The following PPARGC1A variants were observed in gnomAD, a reference collection of about 807,000 sequenced individuals.
PPARGC1A encodes the protein PPARG coactivator 1 alpha.
A neutral mutation model predicts 88.7 loss-of-function variants in PPARGC1A; 25 were observed. The ratio of observed to expected loss-of-function variants is 0.28; its 90% CI spans 0.21 to 0.39. The LOEUF is 0.39. Ranked by LOEUF, PPARGC1A falls within the 10% of genes least tolerant of loss-of-function variation. The pLI, the probability that PPARGC1A is intolerant of heterozygous loss-of-function variation, is 1.00. For missense variants in PPARGC1A, 880 were observed against 968.7 expected (o/e 0.91, Z 1.22); for synonymous variants, 363 against 355.6 (o/e 1.02, Z -0.24).
At chr4:24,437,388 C>T in the PPARGC1A span, among the ~76,000 whole-genome samples, 5 of 152,150 alleles carry the variant, frequency 3.3e-5, no homozygotes, top group African/African-American at 1.2e-4. Flanking sequence ...GAAGGGCAGA[C>T]ATGAGCCAGC....
the PPARGC1A span, among the ~76,000 whole-genome samples, chr4:24,471,369 C>T: frequency 7.9e-5 from 12 of 152,168 alleles, no homozygotes; most frequent in African/African-American, 1.9e-4. The surrounding 1 kb of genome is among the most constrained non-coding windows in gnomAD (Gnocchi z 5.4). Context: ...CACGCATACA[C>T]GTACACACAT....
the PPARGC1A span, among the ~76,000 whole-genome samples, chr4:24,166,517 A>G: frequency 6.6e-6 from 1 of 152,214 alleles, no homozygotes; most frequent in African/African-American, 2.4e-5. Context: ...GCTGAAAAGA[A>G]CAGCCTGATT....
chr4:24,152,210 C>T, the PPARGC1A span, among the ~76,000 whole-genome samples: 1 of 152,310 alleles, frequency 6.6e-6, no homozygotes, highest in South Asian at 2.1e-4. Flanking sequence ...CCACAAAGTT[C>T]CCGTAACTGT....
chr4:24,436,257 A>G, the PPARGC1A span, among the ~76,000 whole-genome samples: 2 of 152,250 alleles, frequency 1.3e-5, no homozygotes, highest in African/African-American at 4.8e-5. Flanking sequence ...TTGACACCAA[A>G]AAATTGATGA....
chr4:24,436,313 T>C, the PPARGC1A span, among the ~76,000 whole-genome samples: 1 of 152,244 alleles, frequency 6.6e-6, no homozygotes, highest in Non-Finnish European at 1.5e-5. Flanking sequence ...TGGGTGTGAC[T>C]GATTTTTCCA....
At chr4:24,463,136 T>C in the PPARGC1A span, among the ~76,000 whole-genome samples, 1 of 152,200 alleles carries the variant, frequency 6.6e-6, no homozygotes, top group Non-Finnish European at 1.5e-5. Flanking sequence ...GTGTTTATAA[T>C]GCATCACTGA....
chr4:24,185,623 G>T, the PPARGC1A span, among the ~76,000 whole-genome samples: 5 of 152,124 alleles, frequency 3.3e-5, no homozygotes, highest in Non-Finnish European at 5.9e-5. Flanking sequence ...GTGATTTATT[G>T]AATGTTTATA....
At chr4:23,967,387 G>A in the PPARGC1A span, among the ~76,000 whole-genome samples, 4 of 152,038 alleles carry the variant, frequency 2.6e-5, no homozygotes, top group East Asian at 1.9e-4. Context: ...GCAGATTATC[G>A]ACCAAATTGG....
chr4:24,162,395 G>A, the PPARGC1A span, among the ~76,000 whole-genome samples: 2 of 151,902 alleles, frequency 1.3e-5, no homozygotes, highest in Non-Finnish European at 2.9e-5. Context: ...AAATAAAAGG[G>A]CTTTTGAGCC....
the PPARGC1A span, among the ~76,000 whole-genome samples, chr4:24,032,050 G>A: frequency 6.6e-6 from 1 of 152,064 alleles, no homozygotes; most frequent in Non-Finnish European, 1.5e-5. Flanking sequence ...TCTTTTTTGA[G>A]GCTTCTAAAT....
chr4:24,334,222 C>G, the PPARGC1A span, among the ~76,000 whole-genome samples: 2 of 152,134 alleles, frequency 1.3e-5, no homozygotes, highest in Admixed American at 6.5e-5. Flanking sequence ...CCGTGAGAAC[C>G]AAGTACCTCG....
the PPARGC1A span, among the ~76,000 whole-genome samples, chr4:24,124,057 T>C: frequency 6.6e-6 from 1 of 152,076 alleles, no homozygotes; most frequent in Non-Finnish European, 1.5e-5. Flanking sequence ...TAATAACCAT[T>C]AGGGCTCTTT....
the PPARGC1A span, among the ~76,000 whole-genome samples, chr4:24,024,666 C>T: frequency 2.6e-5 from 4 of 152,278 alleles, no homozygotes; most frequent in Non-Finnish European, 5.9e-5. Context: ...AAGCAGCAAG[C>T]GTCATAGTAT....
chr4:23,843,190 T>C (rs565710290), intron 2 of PPARGC1A, among the ~76,000 whole-genome samples: 4 of 152,262 alleles, frequency 2.6e-5, no homozygotes, highest in Admixed American at 6.5e-5. Context: ...ATAGTCTACC[T>C]GCTAAATGAT....
the PPARGC1A span, among the ~76,000 whole-genome samples, chr4:24,128,583 C>G: frequency 7.5e-6 from 1 of 133,258 alleles, no homozygotes; most frequent in African/African-American, 2.9e-5. Context: ...TGTGTGTGCA[C>G]GCGCATCTGT....
the PPARGC1A span, among the ~76,000 whole-genome samples, chr4:24,136,623 T>A: frequency 2.6e-5 from 4 of 152,200 alleles, no homozygotes; most frequent in African/African-American, 9.6e-5. Context: ...AGAGCTCACA[T>A]CTTGGCTCTC....
the PPARGC1A span, among the ~76,000 whole-genome samples, chr4:24,081,578 A>AATTTCAATT: frequency 6.6e-6 from 1 of 152,092 alleles, no homozygotes; most frequent in African/African-American, 2.4e-5. Flanking sequence ...TCCACCACAC[A>AATTTCAATT]ATTTCAATTG....
the PPARGC1A span, among the ~76,000 whole-genome samples, chr4:24,275,776 T>C: frequency 6.6e-6 from 1 of 152,194 alleles, no homozygotes; most frequent in Non-Finnish European, 1.5e-5. Flanking sequence ...ATTCCCATCC[T>C]GGATGGAAGA....
the PPARGC1A span, among the ~76,000 whole-genome samples, chr4:24,211,051 A>G: frequency 4.3e-4 from 65 of 152,304 alleles, no homozygotes; most frequent in African/African-American, 1.3e-3. Flanking sequence ...TTGCTTACTT[A>G]CTTACTTGTA....
Sources: allele counts gnomAD v4.1 joint callset (sites outside exome capture counted in the v4.1 genomes callset), GRCh38; gene constraint gnomAD v4.1.1; non-coding constraint Gnocchi (gnomAD v3.1); transcripts MANE v1.5; gene names NCBI Gene and HGNC (gene_info 2026-07-23, HGNC 2026-07-21).